The following LGR4 variants were observed in gnomAD, a reference collection of about 807,000 sequenced individuals.
LGR4 encodes leucine-rich repeat-containing G protein-coupled receptor 4.
Under a neutral mutation model 84.8 loss-of-function variants are expected in LGR4, and 44 were observed. The ratio of observed to expected loss-of-function variants is 0.52; its 90% CI spans 0.41 to 0.67. LGR4 has a LOEUF of 0.67. LGR4 is among the 30% of genes least tolerant of loss of function. The pLI, the probability that LGR4 is intolerant of heterozygous loss-of-function variation, is 0.00. For missense variants in LGR4, 1,032 were observed against 1,131.4 expected, an observed-to-expected ratio of 0.91 and a Z score of 1.26; for synonymous variants, 429 against 434.3, an observed-to-expected ratio of 0.99 and a Z score of 0.15.
chr11:27,427,986 T>C (rs1185526555), intron 1 of LGR4, among the ~76,000 whole-genome samples: 4 of 152,196 alleles, frequency 2.6e-5, no homozygotes, highest in African/African-American at 7.2e-5. Context: ...TACAAATGCA[T>C]ACATTAGGTG....
chr11:27,427,542 CAG>C (rs1238182396), intron 1 of LGR4, among the ~76,000 whole-genome samples: 4 of 152,118 alleles, frequency 2.6e-5, no homozygotes, highest in African/African-American at 9.7e-5. Flanking sequence ...CCATATAATA[CAG>C]AGTTTGAGAA....
chr11:27,383,435 G>T (rs982050068), intron 6 of LGR4, among the ~76,000 whole-genome samples: 2 of 152,158 alleles, frequency 1.3e-5, no homozygotes, highest in Non-Finnish European at 2.9e-5. Context: ...TATAACACTA[G>T]AACTCACACA....
intron 1 of LGR4, among the ~76,000 whole-genome samples, chr11:27,455,593 AG>A (rs1864560232): frequency 6.6e-6 from 1 of 152,210 alleles, no homozygotes; most frequent in African/African-American, 2.4e-5. Context: ...ATGACCTTTA[AG>A]ATCCTTTCCA....
chr11:27,376,388 A>G lies in LGR4; in HGVS notation c.1110-18T>C. 7.5e-7 allele frequency: 1 copy of G among 1,331,238 alleles called. No homozygotes were observed. Among genetic ancestry groups the G allele is most frequent in the South Asian group, 1.3e-5 (1 of 75,334 alleles). The allele number at this position is 1,331,238 out of a possible 1,614,324, so 82.5% of individuals were successfully genotyped here. ...GTAAAGAACTAAATAAAAAAAGAAG[A>G]AGAAAGAAGACGAAGACAAAGACAA... On this transcript the variant is annotated intron_variant, in intron 12 of 17. Coordinates refer to ENST00000379214, the MANE Select transcript of LGR4 (RefSeq NM_018490.5).
At chr11:27,371,433 T>C (rs896962029) in intron 17 of LGR4, among the ~76,000 whole-genome samples, 182 bp downstream of exon 17, 2 of 152,198 alleles carry the variant, frequency 1.3e-5, no homozygotes, top group African/African-American at 4.8e-5. Context: ...GGTCTGGGCC[T>C]GAGATTCTGC....
chr11:27,383,222 C>G (rs371089411), intron 6 of LGR4, among the ~76,000 whole-genome samples: 1 of 152,114 alleles, frequency 6.6e-6, no homozygotes, highest in African/African-American at 2.4e-5. Context: ...CACTGGCATA[C>G]GATTTGCATG....
At chr11:27,390,001 G>A (rs1386656060) in intron 4 of LGR4, among the ~76,000 whole-genome samples, 4 of 152,060 alleles carry the variant, frequency 2.6e-5, no homozygotes, top group East Asian at 1.9e-4. Context: ...GGCCAACACC[G>A]TGGATATTCC....
chr11:27,439,492 C>A (rs559922192), intron 1 of LGR4, among the ~76,000 whole-genome samples: 34 of 152,294 alleles, frequency 2.2e-4, no homozygotes, highest in African/African-American at 8.2e-4. Flanking sequence ...ATGTGGGGTG[C>A]TTCTACATTT....
At chr11:27,437,446 A>G (rs926086076) in intron 1 of LGR4, among the ~76,000 whole-genome samples, 1 of 152,176 alleles carries the variant, frequency 6.6e-6, no homozygotes, top group Non-Finnish European at 1.5e-5. Context: ...GTACCTCCAT[A>G]AAATGCATTT....
At chr11:27,377,846 G>A (rs1863016006) in intron 11 of LGR4, among the ~76,000 whole-genome samples, 1 of 152,110 alleles carries the variant, frequency 6.6e-6, no homozygotes, top group Non-Finnish European at 1.5e-5. Context: ...AACAGTTTTG[G>A]TCAATGACAG....
chr11:27,392,685 C>A (rs771269723), intron 2 of LGR4, among the ~76,000 whole-genome samples, 167 bp from the exon 3 acceptor site: 3 of 152,170 alleles, frequency 2.0e-5, no homozygotes, highest in Non-Finnish European at 4.4e-5. Context: ...TCCTGTGAAT[C>A]TTCCAATGAG....
chr11:27,445,069 A>G (rs1024482267), intron 1 of LGR4, among the ~76,000 whole-genome samples: 4 of 152,216 alleles, frequency 2.6e-5, no homozygotes, highest in African/African-American at 9.6e-5. Context: ...GCCCTACAGA[A>G]GACTAAATGA....
chr11:27,464,080 A>C (rs1163101795), intron 1 of LGR4, among the ~76,000 whole-genome samples: 2 of 152,216 alleles, frequency 1.3e-5, no homozygotes, highest in Non-Finnish European at 2.9e-5. Flanking sequence ...TCTCTTCCCT[A>C]CTACAGAAAA....
chr11:27,457,838 T>G (rs1864601992), intron 1 of LGR4, among the ~76,000 whole-genome samples: 2 of 151,912 alleles, frequency 1.3e-5, no homozygotes, highest in African/African-American at 4.8e-5. Context: ...GCAATGAAAA[T>G]GAGTACTGGC....
chr11:27,457,155 G>A lies in LGR4; in HGVS notation c.185+14963C>T, dbSNP rs999297803. On this transcript the variant is annotated intron_variant, in intron 1 of 17. Transcript: ENST00000379214. ...CCTTTTAAATCCCAGTTTGCTCAGT[G>A]ATAAAATGGGAATCCTGCCATGGAC... Among the ~76,000 whole-genome samples, 3 of 152,320 alleles carry A rather than the reference G, an allele frequency of 2.0e-5. No individual in the cohort carries two copies. The South Asian group carries it at 6.2e-4, about 32-fold the overall frequency.
intron 1 of LGR4, among the ~76,000 whole-genome samples, chr11:27,423,534 C>CA (rs562384140): frequency 6.6e-6 from 1 of 152,184 alleles, no homozygotes; most frequent in Non-Finnish European, 1.5e-5. Context: ...AGAAATGACT[C>CA]AAAATTATAA....
chr11:27,402,212 G>A (rs1482682915), intron 2 of LGR4, among the ~76,000 whole-genome samples: 3 of 152,120 alleles, frequency 2.0e-5, no homozygotes, highest in Non-Finnish European at 4.4e-5. Context: ...ATTGGTTTAG[G>A]GATAGACCTG....
At chr11:27,400,883 T>C (rs1168471273) in intron 2 of LGR4, among the ~76,000 whole-genome samples, 1 of 152,180 alleles carries the variant, frequency 6.6e-6, no homozygotes, top group African/African-American at 2.4e-5. Flanking sequence ...TAACAACTAA[T>C]AGCATCCTTT....
intron 17 of LGR4, among the ~76,000 whole-genome samples, chr11:27,370,471 G>T (rs952023630): frequency 6.6e-6 from 1 of 152,180 alleles, no homozygotes; most frequent in Admixed American, 6.5e-5. Context: ...AGCCTCCACC[G>T]TCCCTGTCTT....
Sources: allele counts gnomAD v4.1 joint callset (sites outside exome capture counted in the v4.1 genomes callset), GRCh38; gene constraint gnomAD v4.1.1; transcripts MANE v1.5; gene names NCBI Gene and HGNC (gene_info 2026-07-23, HGNC 2026-07-21).